The following ADK variants were observed in gnomAD, a reference collection of about 807,000 sequenced individuals.
ADK encodes the protein adenosine kinase.
In ADK, 24 loss-of-function variants were observed where a neutral mutation model predicts 44.7. That is an observed-to-expected ratio of 0.54 (90% confidence interval 0.39 to 0.76). ADK has a LOEUF of 0.76. Ranked by LOEUF, ADK falls within the 30% of genes least tolerant of loss-of-function variation. The pLI, the probability that ADK is intolerant of heterozygous loss-of-function variation, is 0.00. For synonymous variants in ADK, 128 were observed against 142.6 expected, an observed-to-expected ratio of 0.90 and a Z score of 0.73; for missense variants, 321 against 425.1, an observed-to-expected ratio of 0.76 and a Z score of 2.15.
chr10:74,670,076 C>A, intron 9 of ADK, 107 bp from the exon 10 acceptor site: 1 of 881,108 alleles, frequency 1.1e-6, no homozygotes, highest in Non-Finnish European at 1.9e-6. Flanking sequence ...TATGTCCTGT[C>A]TCTCTTTGAA....
At chr10:74,403,333 C>T (rs1344598412) in intron 6 of ADK, among the ~76,000 whole-genome samples, 3 of 152,130 alleles carry the variant, frequency 2.0e-5, no homozygotes, top group African/African-American at 4.8e-5. Context: ...CTATGCCCTG[C>T]CCCCAGAGAT....
Position 74,398,574 on chromosome 10 carries a change from A to G in ADK, c.550A>G (p.Ile184Val), listed in dbSNP as rs377764709. 6 of 1,583,312 alleles carry G rather than the reference A, an allele frequency of 3.8e-6. No homozygotes were observed. Among genetic ancestry groups the G allele is most frequent in the Non-Finnish European group, 4.3e-6 (5 of 1,153,346 alleles). The change falls in exon 6 of 11, where the codon ATA becomes GTA. Residue 184 changes from isoleucine to valine, a missense_variant. Coordinates refer to ENST00000539909, the MANE Select transcript of ADK (RefSeq NM_006721.4). ...GGTAGAAAAAGCAAGAGTTTGTTAT[A>G]TAGCAGTAAGTACTTACCTAATTCA... ...MLVEKARVCYIAGFFLTVSPE... is the reference protein window; with the variant it reads ...MLVEKARVCYVAGFFLTVSPE...
chr10:74,335,070 A>G (rs913714713), intron 4 of ADK, among the ~76,000 whole-genome samples: 27 of 152,106 alleles, frequency 1.8e-4, no homozygotes, highest in Non-Finnish European at 3.8e-4. Context: ...TAAAACTGCC[A>G]GAATCTTTTG....
At chr10:74,686,718 C>T (rs1256902345) in intron 10 of ADK, among the ~76,000 whole-genome samples, 1 of 151,948 alleles carries the variant, frequency 6.6e-6, no homozygotes, top group Non-Finnish European at 1.5e-5. Flanking sequence ...TGCTCTGTCA[C>T]CAGGCTGGAG....
chr10:74,364,687 GGT>G (rs58295310), intron 4 of ADK, among the ~76,000 whole-genome samples: 13,323 of 135,706 alleles, frequency 0.098, 732 homozygotes, highest in East Asian at 0.16. Flanking sequence ...CAAAGGCTAT[GGT>G]GTGTGTGTGT....
At chr10:74,568,938 C>T (rs866070409) in intron 7 of ADK, among the ~76,000 whole-genome samples, 17 of 149,158 alleles carry the variant, frequency 1.1e-4, no homozygotes, top group African/African-American at 3.2e-4. Flanking sequence ...CCCCCAACCC[C>T]ACAACAGGCC....
At chr10:74,346,190 C>A (rs1254750850) in intron 4 of ADK, among the ~76,000 whole-genome samples, 2 of 152,138 alleles carry the variant, frequency 1.3e-5, no homozygotes, top group Non-Finnish European at 2.9e-5. Flanking sequence ...CTGCGCCTGG[C>A]CAAAATTTCT....
intron 4 of ADK, among the ~76,000 whole-genome samples, chr10:74,356,011 T>TCA (rs1564672635): frequency 1.5e-5 from 2 of 130,148 alleles, no homozygotes; most frequent in African/African-American, 5.8e-5. Context: ...CATTTTTTTT[T>TCA]TTTTTTTTTT....
intron 6 of ADK, among the ~76,000 whole-genome samples, chr10:74,426,966 T>A (rs1303084937): frequency 6.6e-6 from 1 of 152,004 alleles, no homozygotes; most frequent in Non-Finnish European, 1.5e-5. Context: ...AACAGGCCCC[T>A]GTGTGTTATG....
intron 4 of ADK, among the ~76,000 whole-genome samples, chr10:74,349,456 A>G (rs900248145): frequency 4.6e-5 from 7 of 152,216 alleles, no homozygotes; most frequent in African/African-American, 1.7e-4. Context: ...GCCACTGCAC[A>G]AACACACCAA....
Position 74,360,915 on chromosome 10 carries a change from G to A in ADK, c.274-33226G>A, listed in dbSNP as rs185291471. On this transcript the variant is annotated intron_variant, in intron 4 of 10. Coordinates refer to ENST00000539909, the MANE Select transcript of ADK (RefSeq NM_006721.4). The stretch of plus-strand genomic sequence containing the variant: ...ATTCACCCACCCTGTGTCTTTATTT[G>A]GGTTTTATTTGAGATGGAGCCTCAC... Among the ~76,000 whole-genome samples the A allele has an allele frequency of 5.8e-4, 88 of 152,154 alleles. 1 individual carries two copies. In the Middle Eastern group the frequency reaches 0.017, roughly 29 times the overall value.
rs543024830 is a variant in ADK at position 74,539,049 on chromosome 10, A to T, written c.726+13623A>T. On this transcript the variant is annotated intron_variant, in intron 7 of 10. Coordinates refer to ENST00000539909, the MANE Select transcript of ADK (RefSeq NM_006721.4). ...AGAGCCTTTTTTTCTTTGTAAAGGT[A>T]TTATTTTAATTTTTAGAACTATTTT... 1.8e-4 allele frequency among the ~76,000 whole-genome samples: 27 copies of T among 152,190 alleles called. No homozygotes were observed. In the South Asian group the frequency reaches 5.6e-3, roughly 32 times the overall value.
chr10:74,527,856 C>A, intron 7 of ADK: 1 of 989,680 alleles, frequency 1.0e-6, no homozygotes, highest in Non-Finnish European at 1.6e-6. Flanking sequence ...AGCTGCCAGC[C>A]AGATCTCTAA....
At chr10:74,170,697 G>C (rs1842138150) in intron 1 of ADK, among the ~76,000 whole-genome samples, 1 of 151,518 alleles carries the variant, frequency 6.6e-6, no homozygotes, top group Non-Finnish European at 1.5e-5. Context: ...CTACTCGGGA[G>C]GCTGAGGCAG....
At chr10:74,336,045 G>A (rs1564660151) in intron 4 of ADK, among the ~76,000 whole-genome samples, 2 of 152,096 alleles carry the variant, frequency 1.3e-5, no homozygotes, top group African/African-American at 2.4e-5. Flanking sequence ...TTTTAAAATG[G>A]ATTATGCTTT....
intron 4 of ADK, among the ~76,000 whole-genome samples, chr10:74,316,172 A>G (rs1438946105): frequency 6.6e-6 from 1 of 151,906 alleles, no homozygotes. Context: ...CCTGGGCGGT[A>G]TAGGTTGCAG....
intron 7 of ADK, among the ~76,000 whole-genome samples, chr10:74,539,839 T>C (rs535902814): frequency 1.4e-4 from 21 of 152,350 alleles, no homozygotes; most frequent in African/African-American, 5.0e-4. Context: ...ACTTTCTCCC[T>C]AGGGTTTTTC....
chr10:74,229,635 G>A (rs1333358831), intron 3 of ADK, among the ~76,000 whole-genome samples: 2 of 152,084 alleles, frequency 1.3e-5, no homozygotes, highest in Non-Finnish European at 2.9e-5. Flanking sequence ...CTGACCTCGT[G>A]ATCTGCCCGT....
At chr10:74,705,832 G>A (rs1856585048) in intron 10 of ADK, among the ~76,000 whole-genome samples, 1 of 152,188 alleles carries the variant, frequency 6.6e-6, no homozygotes, top group African/African-American at 2.4e-5. Context: ...GCCATTCTGC[G>A]AGTGTGCAGT....
Sources: allele counts gnomAD v4.1 joint callset (sites outside exome capture counted in the v4.1 genomes callset), GRCh38; gene constraint gnomAD v4.1.1; transcripts MANE v1.5; gene names NCBI Gene and HGNC (gene_info 2026-07-23, HGNC 2026-07-21).